Variants in KITLG observed in about 807,000 individuals in gnomAD.
KITLG encodes KIT ligand, also known as c-Kit ligand.
A neutral mutation model predicts 34.1 loss-of-function variants in KITLG; 13 were observed. The observed-to-expected ratio is 0.38, with a 90% CI of 0.25 to 0.61. The LOEUF is 0.61. KITLG is among the 20% of genes least tolerant of loss of function. The pLI is 0.60. For missense variants in KITLG, 292 were observed against 318.9 expected (o/e 0.92, Z 0.64); for synonymous variants, 110 against 104.0 (o/e 1.06, Z -0.35).
chr12:88,548,433 A>G (rs1291974790), intron 1 of KITLG, among the ~76,000 whole-genome samples: 1 of 147,598 alleles, frequency 6.8e-6, no homozygotes, highest in African/African-American at 2.5e-5. Flanking sequence ...TAGCCTGGCG[A>G]CAAAAGCTAG....
intron 1 of KITLG, among the ~76,000 whole-genome samples, chr12:88,560,865 G>A (rs1165827846): frequency 6.6e-6 from 1 of 151,732 alleles, no homozygotes; most frequent in African/African-American, 2.4e-5. Flanking sequence ...CTACCTGGGG[G>A]GCTGAGGCAG....
In KITLG at chr12:88,522,034, C is replaced by A. The variant is rs373464339; in HGVS notation, c.193-3167G>T. 2.0e-4 allele frequency among the ~76,000 whole-genome samples: 31 copies of A among 152,022 alleles called. No individual in the cohort carries two copies. In the South Asian group the frequency reaches 6.2e-3, roughly 31 times the overall value. ...GAACTTCCTTAGGAATTTTAAAGTA[C>A]CATGAACACCAAATCATGATCTCGC... On this transcript the variant is annotated intron_variant, in intron 3 of 9. Transcript: ENST00000644744.
chr12:88,534,560 T>A (rs1003200338), intron 2 of KITLG: 16 of 392,236 alleles, frequency 4.1e-5, no homozygotes, highest in Non-Finnish European at 6.9e-5. Flanking sequence ...AGAGACGGGG[T>A]TTTGCTATGT....
intron 3 of KITLG, among the ~76,000 whole-genome samples, chr12:88,528,180 C>T (rs1239726483): frequency 9.9e-5 from 15 of 152,218 alleles, no homozygotes; most frequent in East Asian, 9.7e-4. Flanking sequence ...AGGCCATGTG[C>T]GTTCCTTGGC....
At position 88,496,278 on chromosome 12, in the gene KITLG, T is replaced by A. The variant is rs1160694112; in HGVS notation, c.*941A>T. The stretch of plus-strand genomic sequence containing the variant: ...TTTTAGGCTCTCCCATGGTGGAAAT[T>A]GAAATGGGACCATCTTACATTCAGC... On this transcript the variant is annotated 3_prime_UTR_variant, in exon 10 of 10. Transcript: ENST00000644744. 1 of 152,176 alleles carries A rather than the reference T, an allele frequency of 6.6e-6. No individual in the cohort carries two copies. The highest frequency in any genetic ancestry group is 1.5e-5 in the Non-Finnish European group (1 of 68,032). 9.4% of individuals were successfully genotyped at this position (152,176 alleles called of 1,614,324 possible).
intron 1 of KITLG, among the ~76,000 whole-genome samples, chr12:88,575,801 C>T (rs1871806131): frequency 6.6e-6 from 1 of 151,940 alleles, no homozygotes; most frequent in Admixed American, 6.6e-5. Flanking sequence ...TATCCAAATG[C>T]CTTGCCCTAA....
At position 88,497,126 on chromosome 12, in the gene KITLG, A is replaced by T. The variant is rs574365736; in HGVS notation, c.*93T>A. Reference sequence around the variant, plus strand: ...GATGTGGTCTGTCACTCCAGACAGAATATGAATTTGTTTAAAGCTGCTTCA... The same window carrying T: ...GATGTGGTCTGTCACTCCAGACAGATTATGAATTTGTTTAAAGCTGCTTCA... On this transcript the variant is annotated 3_prime_UTR_variant, in exon 10 of 10. Coordinates refer to ENST00000644744, the MANE Select transcript of KITLG (RefSeq NM_000899.5). The T allele has an allele frequency of 4.4e-4, 200 of 449,906 alleles. 1 individual carries two copies. The highest frequency in any genetic ancestry group is 2.8e-3 in the South Asian group (176 of 63,020). The allele number at this position is 449,906 out of a possible 1,614,324, so 27.9% of individuals were successfully genotyped here. A position where few individuals can be genotyped will look rare whatever the true frequency, so the allele number is the denominator to read the frequency against.
chr12:88,531,671 G>A (rs530587703), intron 3 of KITLG, among the ~76,000 whole-genome samples: 3 of 152,086 alleles, frequency 2.0e-5, no homozygotes, highest in Non-Finnish European at 2.9e-5. Flanking sequence ...AAACAAGTGA[G>A]GTAGGTCAGC....
In KITLG at chr12:88,506,361, A is replaced by G. The variant is rs1291873333; in HGVS notation, c.732T>C (p.Leu244=). Residue 244 remains leucine (L), a synonymous_variant, in exon 8 of 10, where the codon CTT becomes CTC. Transcript: ENST00000644744. ...TTTGTATATTTTCAACTGCCCTTGTAAGACTTGGCTGTCTCTTCTGGAAAA... is the reference window on the plus strand; with the variant it reads ...TTTGTATATTTTCAACTGCCCTTGTGAGACTTGGCTGTCTCTTCTGGAAAA... The part of the protein sequence containing the change: ...ALYWKKRQPS[L]TRAVENIQIN... 10 of 1,608,090 alleles carry G rather than the reference A, an allele frequency of 6.2e-6. No homozygotes were observed. Among genetic ancestry groups the G allele is most frequent in the Non-Finnish European group, 8.5e-6 (10 of 1,174,518 alleles).
chr12:88,547,704 G>A (rs1181944113), intron 1 of KITLG, among the ~76,000 whole-genome samples: 2 of 152,132 alleles, frequency 1.3e-5, no homozygotes, highest in African/African-American at 2.4e-5. Context: ...TCTCTGTAAT[G>A]GACCAATCTC....
At chr12:88,558,987 G>A (rs942216936) in intron 1 of KITLG, among the ~76,000 whole-genome samples, 2 of 152,062 alleles carry the variant, frequency 1.3e-5, no homozygotes, top group Non-Finnish European at 2.9e-5. Flanking sequence ...CTTGGGTGAT[G>A]GGTGCACCAA....
intron 1 of KITLG, among the ~76,000 whole-genome samples, chr12:88,566,609 C>T (rs1456227852): frequency 6.6e-6 from 1 of 152,122 alleles, no homozygotes; most frequent in Non-Finnish European, 1.5e-5. Flanking sequence ...AAACCAAGTG[C>T]AGCAATATTG....
chr12:88,540,632 C>A (rs1042018071), intron 2 of KITLG, among the ~76,000 whole-genome samples: 3 of 151,908 alleles, frequency 2.0e-5, no homozygotes, highest in Non-Finnish European at 4.4e-5. Context: ...GGACCCACAT[C>A]TCTACAAAAG....
intron 1 of KITLG, among the ~76,000 whole-genome samples, chr12:88,560,171 GC>G (rs1444881330): frequency 6.6e-6 from 1 of 152,160 alleles, no homozygotes; most frequent in Non-Finnish European, 1.5e-5. Context: ...GCACTCACAA[GC>G]CAATTGGCAG....
chr12:88,574,121 GT>G (rs1328042378), intron 1 of KITLG, among the ~76,000 whole-genome samples: 3 of 150,472 alleles, frequency 2.0e-5, no homozygotes, highest in African/African-American at 7.4e-5. Flanking sequence ...CTTTGTTTTA[GT>G]GGATAGCTCA....
intron 2 of KITLG, among the ~76,000 whole-genome samples, chr12:88,538,190 G>T (rs1870397040): frequency 6.6e-6 from 1 of 152,104 alleles, no homozygotes; most frequent in African/African-American, 2.4e-5. Flanking sequence ...CAAAGGCAAA[G>T]AAATGGGAAA....
Position 88,545,832 on chromosome 12 carries a change from G to A in KITLG, c.49C>T (p.Leu17Phe), listed in dbSNP as rs749000158. ...GTTTTGACGAGAGGATTAAATAGGA[G>A]CAGCTGAAGATAAATGCAAGTGAGA... ...WILTCIYLQL[L>F]LFNPLVKTEG... Residue 17 changes from leucine (L) to phenylalanine (F), a missense_variant, in exon 2 of 10, where the codon CTC becomes TTC. This residue lies in a region of KITLG where 152 missense variants were observed against 207.9 expected (regional missense o/e 0.73). Transcript: ENST00000644744. 1.6e-5 allele frequency: 26 copies of A among 1,612,054 alleles called. No individual in the cohort carries two copies. The Admixed American group carries it at 3.8e-4, about 24-fold the overall frequency.
chr12:88,508,556 CGTGTGTGTGT>C (rs139771009), intron 6 of KITLG, among the ~76,000 whole-genome samples: 2 of 147,604 alleles, frequency 1.4e-5, no homozygotes, highest in South Asian at 2.2e-4. Context: ...TGTGTGCTCA[CGTGTGTGTGT>C]GTGTGTGTGT....
chr12:88,579,752 TCCGCGTTGGCTTCGCTCCCGCGGCTGCAC>T (rs1871950909), intron 1 of KITLG, among the ~76,000 whole-genome samples: 2 of 151,466 alleles, frequency 1.3e-5, no homozygotes, highest in Non-Finnish European at 2.9e-5. Context: ...GCTTAGGAGT[TCCGCGTTGGCTTCGCTCCCGCGGCTGCAC>T]CCGCGTTCGC....
Sources: allele counts gnomAD v4.1 joint callset (sites outside exome capture counted in the v4.1 genomes callset), GRCh38; gene constraint gnomAD v4.1.1; regional missense constraint gnomAD v4.1.1; transcripts MANE v1.5; gene names NCBI Gene and HGNC (gene_info 2026-07-23, HGNC 2026-07-21).